Variants in TRHR observed in about 807,000 individuals in gnomAD.
TRHR encodes thyrotropin-releasing hormone receptor.
Under a neutral mutation model 28.0 loss-of-function variants are expected in TRHR, and 14 were observed. That is an observed-to-expected ratio of 0.50 (90% CI 0.33 to 0.78). The LOEUF (loss-of-function observed/expected upper bound fraction) is 0.78. Among genes scored for constraint, TRHR ranks in the 30% least tolerant of loss-of-function variants. TRHR has a pLI of 0.02. For missense variants in TRHR, 438 were observed against 469.5 expected, an observed-to-expected ratio of 0.93 and a Z score of 0.62; for synonymous variants, 176 against 171.9, an observed-to-expected ratio of 1.02 and a Z score of -0.18.
chr8:109,089,046 T>A (rs954025631), intron 2 of TRHR, among the ~76,000 whole-genome samples: 1 of 152,186 alleles, frequency 6.6e-6, no homozygotes, highest in Non-Finnish European at 1.5e-5. Flanking sequence ...TGAATGTGCA[T>A]ATAATTAGTT....
At chr8:109,096,085 G>A (rs964082444) in intron 2 of TRHR, among the ~76,000 whole-genome samples, 1 of 152,112 alleles carries the variant, frequency 6.6e-6, no homozygotes, top group African/African-American at 2.4e-5. Flanking sequence ...CTGAGCACTG[G>A]AATTTTAACT....
intron 2 of TRHR, among the ~76,000 whole-genome samples, chr8:109,105,844 T>G (rs970303193): frequency 5.3e-5 from 8 of 152,138 alleles, no homozygotes; most frequent in Non-Finnish European, 1.2e-4. Context: ...CAGAGCTAAG[T>G]AGTTGTGACA....
In TRHR at chr8:109,121,410, G is replaced by A. The variant is rs1812005311; in HGVS notation, c.*1955G>A. ...ATTACAGAAAGGACCTAATATCATTGAGCATCGACTATGTCTCAGGTATGC... is the reference window on the plus strand; with the variant it reads ...ATTACAGAAAGGACCTAATATCATTAAGCATCGACTATGTCTCAGGTATGC... On this transcript the variant is annotated 3_prime_UTR_variant, in exon 3 of 3. Coordinates refer to ENST00000518632, the MANE Select transcript of TRHR (RefSeq NM_003301.7). Among the ~76,000 whole-genome samples the A allele has an allele frequency of 2.0e-5, 3 of 151,570 alleles. No homozygotes were observed. Among genetic ancestry groups the A allele is most frequent in the Non-Finnish European group, 4.4e-5 (3 of 67,762 alleles).
intron 2 of TRHR, among the ~76,000 whole-genome samples, chr8:109,098,490 T>C (rs893071611): frequency 2.6e-5 from 4 of 152,142 alleles, no homozygotes; most frequent in Admixed American, 6.5e-5. Context: ...TGCTTGCTGC[T>C]AGAATCATCT....
At chr8:109,097,329 A>C (rs1381502509) in intron 2 of TRHR, among the ~76,000 whole-genome samples, 1 of 152,152 alleles carries the variant, frequency 6.6e-6, no homozygotes, top group Admixed American at 6.5e-5. Flanking sequence ...CATCTTCTTA[A>C]AAATATATAT....
chr8:109,112,823 A>C (rs1811855847), intron 2 of TRHR, among the ~76,000 whole-genome samples: 1 of 152,182 alleles, frequency 6.6e-6, no homozygotes, highest in Admixed American at 6.6e-5. Context: ...TATATGTATA[A>C]GCTGTATTGC....
intron 2 of TRHR, among the ~76,000 whole-genome samples, chr8:109,100,569 G>T (rs1307066711): frequency 6.6e-6 from 1 of 152,088 alleles, no homozygotes; most frequent in African/African-American, 2.4e-5. Context: ...CCTCACCTAT[G>T]ATTTAATTAA....
intron 2 of TRHR, among the ~76,000 whole-genome samples, chr8:109,101,160 C>T (rs1811672665): frequency 6.6e-6 from 1 of 152,050 alleles, no homozygotes; most frequent in Non-Finnish European, 1.5e-5. Context: ...AAAGTCAAAG[C>T]CATTAGGAGA....
chr8:109,103,470 C>T (rs931149151), intron 2 of TRHR, among the ~76,000 whole-genome samples: 1 of 152,146 alleles, frequency 6.6e-6, no homozygotes, highest in Admixed American at 6.6e-5. Flanking sequence ...TAAACAGGAT[C>T]GATCAAGGGT....
At chr8:109,104,890 T>A (rs1318613290) in intron 2 of TRHR, among the ~76,000 whole-genome samples, 1 of 151,948 alleles carries the variant, frequency 6.6e-6, no homozygotes, top group Non-Finnish European at 1.5e-5. Flanking sequence ...AAAGCTGAGG[T>A]GGGAGGATCG....
intron 2 of TRHR, among the ~76,000 whole-genome samples, chr8:109,117,489 G>A (rs1811938277): frequency 6.6e-6 from 1 of 151,802 alleles, no homozygotes; most frequent in Non-Finnish European, 1.5e-5. Context: ...AGATCTAATT[G>A]TAAATTAAAC....
intron 2 of TRHR, among the ~76,000 whole-genome samples, chr8:109,105,058 C>A (rs1789927735): frequency 6.6e-6 from 1 of 152,012 alleles, no homozygotes; most frequent in Non-Finnish European, 1.5e-5. Context: ...TGTTAATTAA[C>A]CTTTATAATA....
intron 2 of TRHR, among the ~76,000 whole-genome samples, chr8:109,106,854 C>G (rs2129914159): frequency 6.6e-6 from 1 of 152,224 alleles, no homozygotes; most frequent in Admixed American, 6.5e-5. Flanking sequence ...GTGCCAGAGC[C>G]TCATGTTGCC....
chr8:109,094,896 T>G (rs1340091035), intron 2 of TRHR, among the ~76,000 whole-genome samples: 1 of 151,926 alleles, frequency 6.6e-6, no homozygotes, highest in Non-Finnish European at 1.5e-5. Flanking sequence ...ACAAACTACT[T>G]TATACTTCTT....
chr8:109,098,796 C>T (rs756103437), intron 2 of TRHR, among the ~76,000 whole-genome samples: 1 of 152,172 alleles, frequency 6.6e-6, no homozygotes, highest in African/African-American at 2.4e-5. Context: ...GGTAGGTCAC[C>T]TCTCAGAGCA....
rs745655918 is a variant in TRHR at position 109,087,685 on chromosome 8, C to T, written c.173C>T (p.Thr58Ile). 6.2e-7 allele frequency: 1 copy of T among 1,614,028 alleles called. No individual in the cohort carries two copies. The highest frequency in any genetic ancestry group is 8.5e-7 in the Non-Finnish European group (1 of 1,180,010). The change falls in exon 2 of 3, where the codon ACC (threonine) becomes ATC (isoleucine). Residue 58 changes from threonine (T) to isoleucine (I), a missense_variant. By Grantham distance (89) the Thr-to-Ile change is moderately conservative. Transcript: ENST00000518632. ...LVVMRTKHMR[T>I]PTNCYLVSLA... ...GTCATGAGAACCAAGCACATGAGGA[C>T]CCCCACAAACTGCTACCTGGTGAGC...
chr8:109,116,263 C>T (rs530293728), intron 2 of TRHR, among the ~76,000 whole-genome samples: 1 of 152,102 alleles, frequency 6.6e-6, no homozygotes, highest in South Asian at 2.1e-4. Context: ...CTAAAATTCT[C>T]TTTTTTTGTT....
rs749303553 is a variant in TRHR at position 109,103,135 on chromosome 8, C to T, written c.789+14834C>T. ...ATTCCAAATCAATAGAAGCCAAGTG[C>T]CTCAATACATCCCTTACTCAAAAAC... On this transcript the variant is annotated intron_variant, in intron 2 of 2. Coordinates refer to ENST00000518632, the MANE Select transcript of TRHR (RefSeq NM_003301.7). 6.8e-4 allele frequency among the ~76,000 whole-genome samples: 103 copies of T among 152,268 alleles called. 1 individual carries two copies. Among genetic ancestry groups the T allele is most frequent in the Non-Finnish European group, 1.1e-3 (74 of 68,006 alleles).
At chr8:109,102,103 A>G (rs1428872108) in intron 2 of TRHR, among the ~76,000 whole-genome samples, 1 of 152,144 alleles carries the variant, frequency 6.6e-6, no homozygotes, top group Non-Finnish European at 1.5e-5. Flanking sequence ...AAGATTGCAT[A>G]ATGTTGCTGA....
Sources: allele counts gnomAD v4.1 joint callset (sites outside exome capture counted in the v4.1 genomes callset), GRCh38; gene constraint gnomAD v4.1.1; transcripts MANE v1.5; gene names NCBI Gene and HGNC (gene_info 2026-07-23, HGNC 2026-07-21).